Variants in EPHB2 observed in about 807,000 individuals in gnomAD.
The protein encoded by EPHB2 is ephrin type-B receptor 2.
A neutral mutation model predicts 96.4 loss-of-function variants in EPHB2; 18 were observed. That is an observed-to-expected ratio of 0.19 (90% confidence interval 0.13 to 0.28). The LOEUF is 0.28. EPHB2 is among the 10% of genes least tolerant of loss of function. The pLI, the probability that EPHB2 is intolerant of heterozygous loss-of-function variation, is 1.00. For synonymous variants in EPHB2, 506 were observed against 534.1 expected, an observed-to-expected ratio of 0.95 and a Z score of 0.72; for missense variants, 989 against 1,355.4, an observed-to-expected ratio of 0.73 and a Z score of 4.25.
chr1:22,797,446 T>C (rs1369918030), intron 3 of EPHB2, among the ~76,000 whole-genome samples: 2 of 152,172 alleles, frequency 1.3e-5, no homozygotes, highest in Non-Finnish European at 2.9e-5. Flanking sequence ...TCTGAGCCCT[T>C]TGTGGCTAGT....
intron 1 of EPHB2, among the ~76,000 whole-genome samples, chr1:22,739,350 G>T (rs1262619957): frequency 6.6e-6 from 1 of 152,092 alleles, no homozygotes; most frequent in African/African-American, 2.4e-5. Context: ...CAAGTAATAG[G>T]GACCGCAGGC....
At chr1:22,827,082 C>G (rs1162872228) in intron 3 of EPHB2, among the ~76,000 whole-genome samples, 2 of 152,214 alleles carry the variant, frequency 1.3e-5, no homozygotes, top group Admixed American at 6.5e-5. Flanking sequence ...TCCTCCCTAC[C>G]AGAGCACAAG....
At chr1:22,864,542 C>T (rs1638400105) in intron 4 of EPHB2, among the ~76,000 whole-genome samples, 1 of 152,206 alleles carries the variant, frequency 6.6e-6, no homozygotes. Flanking sequence ...GAAATGCCAT[C>T]TTTTAGCTGG....
At chr1:22,818,957 A>AGTGAATG (rs2148471194) in intron 3 of EPHB2, among the ~76,000 whole-genome samples, 1 of 145,168 alleles carries the variant, frequency 6.9e-6, no homozygotes, top group Admixed American at 6.8e-5. Context: ...CATAGGTTAG[A>AGTGAATG]GTGAATGCCC....
chr1:22,855,601 G>C (rs1052850848), intron 3 of EPHB2, among the ~76,000 whole-genome samples: 58 of 152,272 alleles, frequency 3.8e-4, no homozygotes, highest in African/African-American at 1.4e-3. Flanking sequence ...TGAAGACAAG[G>C]ACTATGTCTT....
chr1:22,848,588 C>G (rs1645578064), intron 3 of EPHB2, among the ~76,000 whole-genome samples: 1 of 152,208 alleles, frequency 6.6e-6, no homozygotes, highest in African/African-American at 2.4e-5. Flanking sequence ...ACATCTTGTG[C>G]ATTTGATTTA....
At chr1:22,857,335 G>A (rs1328051334) in intron 3 of EPHB2, among the ~76,000 whole-genome samples, 3 of 152,162 alleles carry the variant, frequency 2.0e-5, no homozygotes, top group Non-Finnish European at 4.4e-5. Flanking sequence ...CAGCGGAGAT[G>A]TGAGCTGGCG....
At chr1:22,712,950 GT>G (rs1643193532) in intron 1 of EPHB2, among the ~76,000 whole-genome samples, 6 of 152,186 alleles carry the variant, frequency 3.9e-5, no homozygotes. Flanking sequence ...GCCTGGGTGT[GT>G]TTTTAATTAC....
chr1:22,771,976 A>G (rs919806808), intron 1 of EPHB2, among the ~76,000 whole-genome samples: 2 of 152,028 alleles, frequency 1.3e-5, no homozygotes, highest in African/African-American at 2.4e-5. Context: ...CATGGGAACT[A>G]AAGGAGCACT....
chr1:22,767,215 G>A (rs1644318766), intron 1 of EPHB2, among the ~76,000 whole-genome samples: 1 of 152,218 alleles, frequency 6.6e-6, no homozygotes, highest in Admixed American at 6.5e-5. Context: ...ACACTCTGGA[G>A]GGTGAATTGG....
intron 3 of EPHB2, among the ~76,000 whole-genome samples, chr1:22,844,169 C>T (rs1317502836): frequency 2.0e-5 from 3 of 152,158 alleles, no homozygotes; most frequent in Non-Finnish European, 2.9e-5. Flanking sequence ...ACCTAATATT[C>T]GGATTGTTGG....
intron 3 of EPHB2, among the ~76,000 whole-genome samples, chr1:22,809,256 G>T (rs910718855): frequency 6.6e-6 from 1 of 152,190 alleles, no homozygotes; most frequent in South Asian, 2.1e-4. Flanking sequence ...TTAACGAGCT[G>T]CTCCCCGGCA....
chr1:22,894,485 T>A (rs1639490817), intron 7 of EPHB2, among the ~76,000 whole-genome samples: 1 of 151,518 alleles, frequency 6.6e-6, no homozygotes, highest in African/African-American at 2.4e-5. Context: ...TAGTCACAGC[T>A]GCTGGAGAGA....
At chr1:22,868,374 G>A (rs1019094378) in intron 5 of EPHB2, among the ~76,000 whole-genome samples, 1 of 152,152 alleles carries the variant, frequency 6.6e-6, no homozygotes, top group Non-Finnish European at 1.5e-5. Flanking sequence ...CAAATGAACG[G>A]CATTCATTTA....
chr1:22,714,635 G>T (rs867970566), intron 1 of EPHB2, among the ~76,000 whole-genome samples: 1 of 152,180 alleles, frequency 6.6e-6, no homozygotes, highest in Non-Finnish European at 1.5e-5. Flanking sequence ...GCCCTTGAAG[G>T]TTCTTGAGCT....
chr1:22,785,060 T>C lies in EPHB2; in HGVS notation c.795T>C (p.Asn265=). Residue 265 remains asparagine (N), a synonymous_variant, in exon 3 of 16, where the codon AAT becomes AAC. Transcript: ENST00000374630. The part of the protein sequence containing the change: ...MCKAGFEAVE[N]GTVCRGCPSG... ...AAGCAGGCTTCGAGGCCGTTGAGAA[T>C]GGCACCGTCTGCCGAGGTAAGGGCC... The C allele has an allele frequency of 6.2e-7, 1 of 1,613,534 alleles. No homozygotes were observed.
At chr1:22,880,771 G>A (rs1392999046) in intron 5 of EPHB2, among the ~76,000 whole-genome samples, 1 of 152,256 alleles carries the variant, frequency 6.6e-6, no homozygotes, top group Non-Finnish European at 1.5e-5. Context: ...CAGGAAGCGT[G>A]TGTAAAGGGC....
At chr1:22,878,297 A>T (rs1230535846) in intron 5 of EPHB2, among the ~76,000 whole-genome samples, 1 of 152,254 alleles carries the variant, frequency 6.6e-6, no homozygotes, top group African/African-American at 2.4e-5. Context: ...AATCACTTTG[A>T]CCAAGTCCTA....
In EPHB2 at chr1:22,794,517, G is replaced by C. The variant is rs574249257; in HGVS notation, c.811+9441G>C. Among the ~76,000 whole-genome samples, 16 of 152,250 alleles carry C rather than the reference G, an allele frequency of 1.1e-4. No individual in the cohort carries two copies. In the South Asian group the frequency reaches 3.3e-3, roughly 32 times the overall value. The stretch of plus-strand genomic sequence containing the variant: ...CTCCTTGAATCCTCTCATCAGACTA[G>C]GAAACTGAGACTTGGCCAATGTCAC... On this transcript the variant is annotated intron_variant, in intron 3 of 15. Coordinates refer to ENST00000374630, the MANE Select transcript of EPHB2 (RefSeq NM_017449.5).
Sources: gnomAD v4.1 joint callset for allele counts (sites outside exome capture counted in the v4.1 genomes callset) on GRCh38, gnomAD v4.1.1 for gene constraint, MANE v1.5 for transcripts, NCBI Gene and HGNC (gene_info 2026-07-23, HGNC 2026-07-21) for gene names.